The following CA10 variants were observed in gnomAD, a reference collection of about 807,000 sequenced individuals.
The protein encoded by CA10 is carbonic anhydrase-related protein 10.
CA10 carries 14 observed loss-of-function variants against 44.2 expected under a neutral mutation model. That is an observed-to-expected ratio of 0.32 (90% CI 0.21 to 0.50). CA10 has a LOEUF of 0.50. Ranked by LOEUF, CA10 falls within the 20% of genes least tolerant of loss-of-function variation. The pLI, the probability that CA10 is intolerant of heterozygous loss-of-function variation, is 0.99. For missense variants in CA10, 350 were observed against 409.7 expected, an observed-to-expected ratio of 0.85 and a Z score of 1.26; for synonymous variants, 159 against 141.6, an observed-to-expected ratio of 1.12 and a Z score of -0.87.
chr17:51,841,822 T>TA, intron 3 of CA10, among the ~76,000 whole-genome samples: 1 of 152,192 alleles, frequency 6.6e-6, no homozygotes, highest in East Asian at 1.9e-4. Flanking sequence ...GAGGGTATAT[T>TA]AGGACCCTGA....
chr17:51,653,401 G>A (rs1272241027), intron 5 of CA10, among the ~76,000 whole-genome samples: 2 of 150,820 alleles, frequency 1.3e-5, no homozygotes, highest in African/African-American at 4.8e-5. Flanking sequence ...TTCTTTCTAG[G>A]ACAGAAGCTG....
At chr17:51,975,074 T>G (rs1357309411) in intron 2 of CA10, among the ~76,000 whole-genome samples, 1 of 152,060 alleles carries the variant, frequency 6.6e-6, no homozygotes, top group East Asian at 1.9e-4. Context: ...TGCAGTAAGT[T>G]AAACATGCAC....
chr17:52,139,127 T>C (rs1460623415), intron 1 of CA10, among the ~76,000 whole-genome samples: 2 of 152,150 alleles, frequency 1.3e-5, no homozygotes, highest in African/African-American at 4.8e-5. Flanking sequence ...GAATATCCTA[T>C]GGAGGTCTGT....
At chr17:51,895,363 C>A (rs1207544390) in intron 3 of CA10, among the ~76,000 whole-genome samples, 9 of 152,088 alleles carry the variant, frequency 5.9e-5, no homozygotes, top group African/African-American at 2.2e-4. Flanking sequence ...AAGCTCAAGT[C>A]CTATCATTAA....
chr17:51,944,774 A>G (rs1443145090), intron 2 of CA10, among the ~76,000 whole-genome samples: 3 of 152,214 alleles, frequency 2.0e-5, no homozygotes, highest in Non-Finnish European at 4.4e-5. Flanking sequence ...CAAGCTATTT[A>G]CAATGAGGAG....
intron 3 of CA10, among the ~76,000 whole-genome samples, chr17:51,892,784 G>A (rs1980913911): frequency 6.6e-6 from 1 of 152,094 alleles, no homozygotes; most frequent in African/African-American, 2.4e-5. Context: ...TCTTCCTGCT[G>A]GTGGGCATGA....
intron 3 of CA10, among the ~76,000 whole-genome samples, chr17:51,757,436 CAG>C (rs1598029971): frequency 6.6e-6 from 1 of 152,224 alleles, no homozygotes; most frequent in Non-Finnish European, 1.5e-5. Flanking sequence ...AACTGAGACA[CAG>C]AGTGGTTGAG....
At chr17:52,040,946 G>A (rs966969767) in intron 2 of CA10, among the ~76,000 whole-genome samples, 4 of 152,000 alleles carry the variant, frequency 2.6e-5, no homozygotes, top group Non-Finnish European at 5.9e-5. Flanking sequence ...GGTCACAAAG[G>A]GCTGGGAAGA....
At chr17:51,693,034 C>T (rs1339881204) in intron 4 of CA10, among the ~76,000 whole-genome samples, 1 of 152,192 alleles carries the variant, frequency 6.6e-6, no homozygotes, top group African/African-American at 2.4e-5. Flanking sequence ...CAACTAGCTT[C>T]TGCGAATTTC....
intron 3 of CA10, among the ~76,000 whole-genome samples, chr17:51,766,547 G>A (rs560787252): frequency 1.8e-4 from 27 of 152,304 alleles, no homozygotes; most frequent in Admixed American, 9.1e-4. Context: ...ACTTCTCTGA[G>A]CTGTGGTTTC....
At chr17:51,916,867 A>T (rs1982020348) in intron 3 of CA10, among the ~76,000 whole-genome samples, 1 of 152,148 alleles carries the variant, frequency 6.6e-6, no homozygotes, top group African/African-American at 2.4e-5. Context: ...TTCCGTTGGA[A>T]TCATTCTTCA....
chr17:52,064,890 T>C (rs2143108158), intron 2 of CA10, among the ~76,000 whole-genome samples: 1 of 152,334 alleles, frequency 6.6e-6, no homozygotes, highest in South Asian at 2.1e-4. Flanking sequence ...GCTGAATAAG[T>C]GGTGATCTAA....
chr17:51,954,722 G>T (rs1567898540), intron 2 of CA10, among the ~76,000 whole-genome samples: 1 of 152,216 alleles, frequency 6.6e-6, no homozygotes, highest in Non-Finnish European at 1.5e-5. Flanking sequence ...GGTCATCAAA[G>T]ATGCACAGGA....
intron 1 of CA10, 147 bp from the exon 2 acceptor site, chr17:52,072,540 T>TC (rs1245569416): frequency 3.0e-6 from 1 of 337,310 alleles, no homozygotes; most frequent in Admixed American, 8.7e-5. Flanking sequence ...CTCCCTTCCC[T>TC]TTTTTTTTTC....
rs1356435120 is a variant in CA10 at position 51,717,672 on chromosome 17, T to C, written c.465+29961A>G. On this transcript the variant is annotated intron_variant, in intron 4 of 8. Coordinates refer to ENST00000451037, the MANE Select transcript of CA10 (RefSeq NM_020178.5). ...ACATATATACGTATATATACATGTATATATGTATATATGTATACATATATG... is the reference window on the plus strand; with the variant it reads ...ACATATATACGTATATATACATGTACATATGTATATATGTATACATATATG... 8.6e-3 allele frequency among the ~76,000 whole-genome samples: 822 copies of C among 95,576 alleles called. 157 individuals carry two copies. The highest frequency in any genetic ancestry group is 0.016 in the Middle Eastern group (3 of 192). 62.7% of individuals were successfully genotyped at this position (95,576 alleles called of 152,430 possible). A position where few individuals can be genotyped will look rare whatever the true frequency, so the allele number is the denominator to read the frequency against.
chr17:52,054,583 A>T (rs1987171192), intron 2 of CA10, among the ~76,000 whole-genome samples: 1 of 151,978 alleles, frequency 6.6e-6, no homozygotes, highest in African/African-American at 2.4e-5. Context: ...TTTGAAAATC[A>T]CTAACAAAAA....
Position 52,157,716 on chromosome 17 carries a change from C to T in CA10, c.61+10G>A, listed in dbSNP as rs1274210423. The T allele has an allele frequency of 2.5e-6, 4 of 1,612,952 alleles. No homozygotes were observed. In the African/African-American group the frequency reaches 4.0e-5, roughly 16 times the overall value. ...TCCAAATCAGCCAGTGACTTCGGCGCGTCCCGTACCTGATATGCAGACGAT... is the reference window on the plus strand; with the variant it reads ...TCCAAATCAGCCAGTGACTTCGGCGTGTCCCGTACCTGATATGCAGACGAT... On this transcript the variant is annotated intron_variant, in intron 1 of 8. Coordinates refer to ENST00000451037, the MANE Select transcript of CA10 (RefSeq NM_020178.5).
chr17:52,042,833 C>T (rs1057444330), intron 2 of CA10, among the ~76,000 whole-genome samples: 29 of 151,998 alleles, frequency 1.9e-4, no homozygotes, highest in African/African-American at 6.8e-4. Context: ...TTTTTCCCAA[C>T]ATCATTTATT....
rs536329193 is a variant in CA10 at position 51,958,198 on chromosome 17, T to C, written c.137-27066A>G. Among the ~76,000 whole-genome samples the C allele has an allele frequency of 1.4e-4, 22 of 151,928 alleles. 1 individual carries two copies. In the Middle Eastern group the frequency reaches 0.01, roughly 70 times the overall value. The stretch of plus-strand genomic sequence containing the variant: ...ATTAGGAATTAGAGTAGTCAACAGA[T>C]AGTGGTAGTAGAATTGCCTCAAATT... On this transcript the variant is annotated intron_variant, in intron 2 of 8. Transcript: ENST00000451037.
Sources: gnomAD v4.1 joint callset for allele counts (sites outside exome capture counted in the v4.1 genomes callset) on GRCh38, gnomAD v4.1.1 for gene constraint, MANE v1.5 for transcripts, NCBI Gene and HGNC (gene_info 2026-07-23, HGNC 2026-07-21) for gene names.